Variants in SGCZ observed in about 807,000 individuals in gnomAD.
The protein encoded by SGCZ is sarcoglycan zeta.
A neutral mutation model predicts 41.3 loss-of-function variants in SGCZ; 40 were observed. The observed-to-expected ratio is 0.97, with a 90% CI of 0.75 to 1.26. The LOEUF (loss-of-function observed/expected upper bound fraction) is 1.26, where lower values mean the gene tolerates loss of function less well. Ranked by LOEUF, SGCZ falls within the 50% of genes most tolerant of loss-of-function variation. The pLI is 0.00. For synonymous variants in SGCZ, 206 were observed against 137.5 expected (o/e 1.50, Z -3.49); for missense variants, 552 against 369.8 (o/e 1.49, Z -4.04).
At position 14,432,914 on chromosome 8, in the gene SGCZ, C is replaced by CAAAAAAAA. The variant is rs767979164; in HGVS notation, c.235-108718_235-108711dup. On this transcript the variant is annotated intron_variant, in intron 2 of 7. Transcript: ENST00000382080. ...GGGCAAAAGAGTGAGACTGTGTCTC[C>CAAAAAAAA]AAAAAAAAAAAAAAAAAAAAAAAAA... Among the ~76,000 whole-genome samples the CAAAAAAAA allele has an allele frequency of 3.6e-4, 27 of 75,588 alleles. 1 individual carries two copies. The highest frequency in any genetic ancestry group is 1.6e-3 in the African/African-American group (25 of 16,016). The allele number at this position is 75,588 out of a possible 152,430, so 49.6% of individuals were successfully genotyped here.
intron 2 of SGCZ, among the ~76,000 whole-genome samples, chr8:14,421,136 G>A (rs1187968889): frequency 1.3e-5 from 2 of 152,052 alleles, no homozygotes; most frequent in African/African-American, 2.4e-5. Context: ...TTTGTGAGAG[G>A]ATTATGTCAG....
At chr8:14,323,774 G>C (rs914351251) in intron 3 of SGCZ, among the ~76,000 whole-genome samples, 1 of 151,904 alleles carries the variant, frequency 6.6e-6, no homozygotes, top group African/African-American at 2.4e-5. Context: ...GTGCCTTTTT[G>C]AAAAAATTAT....
intron 1 of SGCZ, among the ~76,000 whole-genome samples, chr8:14,629,612 G>T (rs996585989): frequency 6.6e-6 from 1 of 152,048 alleles, no homozygotes; most frequent in African/African-American, 2.4e-5. Context: ...GAATCTCTAT[G>T]TATGCATGCA....
chr8:14,375,519 TTAAAA>T (rs1804087769), intron 2 of SGCZ, among the ~76,000 whole-genome samples: 2 of 152,144 alleles, frequency 1.3e-5, no homozygotes, highest in Non-Finnish European at 2.9e-5. Flanking sequence ...AGTCGAATAA[TTAAAA>T]TAAAACTCTC....
At chr8:14,974,895 A>G (rs186276108) in intron 1 of SGCZ, among the ~76,000 whole-genome samples, 9 of 151,704 alleles carry the variant, frequency 5.9e-5, no homozygotes, top group Admixed American at 5.2e-4. Flanking sequence ...AATACAGCAC[A>G]TCACTCTGCC....
chr8:14,493,352 A>G (rs1345595367), intron 2 of SGCZ, among the ~76,000 whole-genome samples: 1 of 63,214 alleles, frequency 1.6e-5, no homozygotes, highest in South Asian at 5.2e-4. Flanking sequence ...TCCCACTATC[A>G]TCCTTTCTTT....
chr8:14,627,864 A>T (rs1248638456), intron 1 of SGCZ, among the ~76,000 whole-genome samples: 1 of 152,098 alleles, frequency 6.6e-6, no homozygotes, highest in Non-Finnish European at 1.5e-5. Context: ...TTATTTCAGG[A>T]GTATTAACAT....
intron 1 of SGCZ, among the ~76,000 whole-genome samples, chr8:15,194,941 T>C (rs1247665468): frequency 6.6e-6 from 1 of 152,208 alleles, no homozygotes; most frequent in Non-Finnish European, 1.5e-5. Flanking sequence ...CGAAAGTATC[T>C]ACAACTTGCG....
intron 3 of SGCZ, among the ~76,000 whole-genome samples, chr8:14,243,676 A>C (rs1400781946): frequency 2.0e-5 from 3 of 151,992 alleles, no homozygotes; most frequent in African/African-American, 7.2e-5. Context: ...ATTTATTTTC[A>C]CCTTCAGTTT....
chr8:14,105,444 C>T lies in SGCZ; in HGVS notation c.620+2719G>A, dbSNP rs149847152. Among the ~76,000 whole-genome samples, 156 of 151,850 alleles carry T rather than the reference C, an allele frequency of 1.0e-3. 2 individuals are homozygous for T. Among genetic ancestry groups the T allele is most frequent in the African/African-American group, 3.6e-3 (147 of 41,222 alleles). On this transcript the variant is annotated intron_variant, in intron 6 of 7. Coordinates refer to ENST00000382080, the MANE Select transcript of SGCZ (RefSeq NM_139167.4). ...TTAACATTTTATTGACTTGGCCAACCAATGAAACCGTGTTGATTAGAAGTA... is the reference window on the plus strand; with the variant it reads ...TTAACATTTTATTGACTTGGCCAACTAATGAAACCGTGTTGATTAGAAGTA...
chr8:14,565,024 C>G (rs1054025205), intron 1 of SGCZ, among the ~76,000 whole-genome samples: 1 of 151,944 alleles, frequency 6.6e-6, no homozygotes, highest in Non-Finnish European at 1.5e-5. Context: ...AAGAAGCAAC[C>G]TAGCAACTGA....
chr8:14,454,498 A>G (rs532313626), intron 2 of SGCZ, among the ~76,000 whole-genome samples: 1 of 152,310 alleles, frequency 6.6e-6, no homozygotes, highest in East Asian at 1.9e-4. Flanking sequence ...ATGAATTAAG[A>G]CCAATACCAG....
At chr8:14,792,148 T>C (rs1800975915) in intron 1 of SGCZ, among the ~76,000 whole-genome samples, 1 of 152,194 alleles carries the variant, frequency 6.6e-6, no homozygotes, top group Admixed American at 6.5e-5. Flanking sequence ...CATAGAAAGG[T>C]GTGATAAATA....
chr8:14,528,818 C>A (rs1187325305), intron 2 of SGCZ, among the ~76,000 whole-genome samples: 6 of 112,030 alleles, frequency 5.4e-5, no homozygotes, highest in African/African-American at 1.8e-4. Flanking sequence ...CACAACATCA[C>A]GGACCAGCCA....
In SGCZ at chr8:14,301,949, G is replaced by A. The variant is rs1046641961; in HGVS notation, c.336+22154C>T. Among the ~76,000 whole-genome samples the A allele has an allele frequency of 2.0e-5, 3 of 152,096 alleles. No homozygotes were observed. The South Asian group carries it at 6.2e-4, about 32-fold the overall frequency. On this transcript the variant is annotated intron_variant, in intron 3 of 7. Coordinates refer to ENST00000382080, the MANE Select transcript of SGCZ (RefSeq NM_139167.4). ...TTTTCAAATCGTGTTTTCCAAGGCTGCCTTTCATTTACAGTTCATTGATGT... is the reference window on the plus strand; with the variant it reads ...TTTTCAAATCGTGTTTTCCAAGGCTACCTTTCATTTACAGTTCATTGATGT...
At chr8:14,632,855 T>A (rs182210040) in intron 1 of SGCZ, among the ~76,000 whole-genome samples, 149 of 152,048 alleles carry the variant, frequency 9.8e-4, no homozygotes, top group Non-Finnish European at 1.1e-3. Context: ...AATAAATGAA[T>A]GGATAAAGGT....
At chr8:15,090,336 A>T (rs1053502589) in intron 1 of SGCZ, among the ~76,000 whole-genome samples, 7 of 152,214 alleles carry the variant, frequency 4.6e-5, no homozygotes, top group Non-Finnish European at 8.8e-5. Flanking sequence ...GTTTGACTTA[A>T]ATCATCCTGA....
chr8:14,699,714 G>A (rs113589277), intron 1 of SGCZ, among the ~76,000 whole-genome samples: 208 of 151,820 alleles, frequency 1.4e-3, no homozygotes, highest in African/African-American at 4.8e-3. Context: ...CACAAACTGT[G>A]CATCCAACAA....
At chr8:14,269,018 G>A (rs1346941868) in intron 3 of SGCZ, among the ~76,000 whole-genome samples, 1 of 151,682 alleles carries the variant, frequency 6.6e-6, no homozygotes, top group Non-Finnish European at 1.5e-5. Flanking sequence ...AAACAAAAAA[G>A]AATATATAAA....
Sources: allele counts gnomAD v4.1 joint callset (sites outside exome capture counted in the v4.1 genomes callset), GRCh38; gene constraint gnomAD v4.1.1; transcripts MANE v1.5; gene names NCBI Gene and HGNC (gene_info 2026-07-23, HGNC 2026-07-21).